EP300: variants seen among roughly 807,000 people sequenced by gnomAD.
EP300 encodes EP300 lysine acetyltransferase.
A neutral mutation model predicts 264.0 loss-of-function variants in EP300; 31 were observed. That is an observed-to-expected ratio of 0.12 (90% CI 0.09 to 0.16). The LOEUF (loss-of-function observed/expected upper bound fraction) is 0.16. Among genes scored for constraint, EP300 ranks in the 10% least tolerant of loss-of-function variants. The pLI is 1.00. For synonymous variants in EP300, 1,340 were observed against 1,045.4 expected (o/e 1.28, Z -5.44); for missense variants, 2,766 against 3,052.9 (o/e 0.91, Z 2.21).
intron 17 of EP300, 131 bp downstream of exon 17, chr22:41,155,244 CT>C (rs2059070455): frequency 7.3e-6 from 6 of 819,700 alleles, no homozygotes; most frequent in Admixed American, 3.9e-5. Context: ...TTTTTTCCCC[CT>C]GAGACAGGGT....
At chr22:41,119,415 A>G (rs2058840143) in intron 2 of EP300, among the ~76,000 whole-genome samples, 1 of 152,026 alleles carries the variant, frequency 6.6e-6, no homozygotes, top group Non-Finnish European at 1.5e-5. Context: ...TACCTCTTCT[A>G]GGATCTAGGA....
rs191203569 is a variant in EP300 at position 41,127,221 on chromosome 22, G to A, written c.907-266G>A. On this transcript the variant is annotated intron_variant, in intron 3 of 30. Transcript: ENST00000263253. ...ACACCCTCTCACCCTTCCCTCTCCC[G>A]CTGGAGTTTACCATGTCCTTCTCTC... Among the ~76,000 whole-genome samples the A allele has an allele frequency of 2.6e-3, 395 of 151,876 alleles. 1 individual carries two copies. The highest frequency in any genetic ancestry group is 9.2e-3 in the African/African-American group (382 of 41,424).
chr22:41,098,106 G>A (rs1338860923), intron 1 of EP300, among the ~76,000 whole-genome samples: 2 of 151,882 alleles, frequency 1.3e-5, no homozygotes, highest in African/African-American at 2.4e-5. Flanking sequence ...CCATTAACTC[G>A]TCATTTAGCA....
chr22:41,176,434 T>A lies in EP300; in HGVS notation c.4967T>A (p.Val1656Glu), dbSNP rs1379274191. Residue 1656 changes from valine (V) to glutamate (E), a missense_variant, in exon 30 of 31, where the codon GTG becomes GAG. Coordinates refer to ENST00000263253, the MANE Select transcript of EP300 (RefSeq NM_001429.4). ...RAQWSTMCMLVELHTQSQDRF... is the reference protein window; with the variant it reads ...RAQWSTMCMLEELHTQSQDRF... ...CAGTGGTCCACCATGTGCATGCTGG[T>A]GGAGCTGCACACGCAGAGCCAGGAC... 1 of 1,614,230 alleles carries A rather than the reference T, an allele frequency of 6.2e-7. No homozygotes were observed. The highest frequency in any genetic ancestry group is 8.5e-7 in the Non-Finnish European group (1 of 1,180,040).
intron 27 of EP300, 27 bp from the exon 28 acceptor site, chr22:41,172,472 C>G (rs1325650318): frequency 6.4e-7 from 1 of 1,573,710 alleles, no homozygotes; most frequent in Non-Finnish European, 8.7e-7. Context: ...CATAGAAATT[C>G]CTATATGTAC....
chr22:41,144,776 T>C (rs1374359942), intron 10 of EP300, among the ~76,000 whole-genome samples: 1 of 152,188 alleles, frequency 6.6e-6, no homozygotes, highest in African/African-American at 2.4e-5. Context: ...ATCTGCATCA[T>C]ATGGGGCAAA....
intron 1 of EP300, among the ~76,000 whole-genome samples, chr22:41,107,083 T>C (rs1483332452): frequency 6.6e-6 from 1 of 151,954 alleles, no homozygotes; most frequent in Non-Finnish European, 1.5e-5. Flanking sequence ...ATTTTTGTAT[T>C]TTTAGTAGCG....
chr22:41,111,373 A>C (rs1469133186), intron 1 of EP300, among the ~76,000 whole-genome samples: 5 of 152,234 alleles, frequency 3.3e-5, no homozygotes, highest in Admixed American at 3.3e-4. Context: ...TCATCTTGCT[A>C]ACCTCTCACA....
intron 20 of EP300, 72 bp from the exon 21 acceptor site, chr22:41,162,651 C>G (rs900288940): frequency 6.4e-6 from 8 of 1,241,964 alleles, no homozygotes; most frequent in Non-Finnish European, 9.5e-6. Context: ...AAGTTTGTTC[C>G]TTTGGTTAGA....
At chr22:41,130,521 C>T (rs191544967) in intron 5 of EP300, among the ~76,000 whole-genome samples, 90 of 151,554 alleles carry the variant, frequency 5.9e-4, no homozygotes, top group Non-Finnish European at 9.7e-4. Context: ...ACAAGGATAC[C>T]CTGTCTTTAA....
chr22:41,169,067 T>A, intron 25 of EP300, 200 bp downstream of exon 25: 1 of 706,046 alleles, frequency 1.4e-6, no homozygotes, highest in Admixed American at 2.3e-5. Flanking sequence ...TGCTCTTCTG[T>A]GGTCATAGTA....
chr22:41,106,312 C>T (rs1398897811), intron 1 of EP300, among the ~76,000 whole-genome samples: 2 of 152,118 alleles, frequency 1.3e-5, no homozygotes, highest in African/African-American at 2.4e-5. Flanking sequence ...TTAGCCAAAC[C>T]ATTATCAGAA....
In EP300 at chr22:41,111,433, C is replaced by G. The variant is rs189858823; in HGVS notation, c.95-5754C>G. Among the ~76,000 whole-genome samples, 7 of 152,322 alleles carry G rather than the reference C, an allele frequency of 4.6e-5. 1 individual carries two copies. Among genetic ancestry groups the G allele is most frequent in the Admixed American group, 4.6e-4 (7 of 15,300 alleles). Reference sequence around the variant, plus strand: ...AAAATTGACAACAGTTGTGTATATTCATGGGTTATAGTGTGATGATATATG... The same window carrying G: ...AAAATTGACAACAGTTGTGTATATTGATGGGTTATAGTGTGATGATATATG... On this transcript the variant is annotated intron_variant, in intron 1 of 30. Coordinates refer to ENST00000263253, the MANE Select transcript of EP300 (RefSeq NM_001429.4).
In EP300 at chr22:41,093,097, A is replaced by G. The variant is rs2145665847; in HGVS notation, c.93A>G (p.Thr31=). 1.2e-6 allele frequency: 2 copies of G among 1,614,026 alleles called. No homozygotes were observed. The highest frequency in any genetic ancestry group is 1.7e-4 in the Middle Eastern group (1 of 6,026). Residue 31 remains threonine, a splice_region_variant and synonymous_variant, in exon 1 of 31, where the codon ACA becomes ACG. Coordinates refer to ENST00000263253, the MANE Select transcript of EP300 (RefSeq NM_001429.4). ...TCTCGGCGTCCGCCAGCGATGGCAC[A>G]GGTTAGTTTCGGCAGCCCCGGCCTT... ...PALSASASDG[T]DFGSLFDLEH...
At position 41,162,738 on chromosome 22, in the gene EP300, A is replaced by C. The variant is rs138247696; in HGVS notation, c.3687A>C (p.Glu1229Asp). ...CTCTCCTTAGTACAATAAATAAAGAACAATTTTCCAAGAGAAAAAATGACA... is the reference window on the plus strand; with the variant it reads ...CTCTCCTTAGTACAATAAATAAAGACCAATTTTCCAAGAGAAAAAATGACA... ...PSQPQTTINK[E>D]QFSKRKNDTL... The change falls in exon 21 of 31, where the codon GAA (glutamate) becomes GAC (aspartate). Residue 1229 changes from glutamate to aspartate, a missense_variant. Transcript: ENST00000263253. 1 of 1,612,570 alleles carries C rather than the reference A, an allele frequency of 6.2e-7. No homozygotes were observed. Among genetic ancestry groups the C allele is most frequent in the Non-Finnish European group, 8.5e-7 (1 of 1,178,616 alleles).
intron 14 of EP300, 69 bp downstream of exon 14, chr22:41,150,267 A>G (rs2059036567): frequency 1.3e-6 from 2 of 1,482,614 alleles, no homozygotes; most frequent in Non-Finnish European, 9.1e-7. Flanking sequence ...CTTCTGGGCC[A>G]TTTCCATTCT....
intron 22 of EP300, among the ~76,000 whole-genome samples, chr22:41,165,060 T>A (rs543636931): frequency 6.6e-6 from 1 of 152,212 alleles, no homozygotes; most frequent in South Asian, 2.1e-4. Context: ...ACTTTTCTTT[T>A]TTTCACCGTT....
intron 18 of EP300, among the ~76,000 whole-genome samples, 164 bp from the exon 19 acceptor site, chr22:41,158,248 G>C (rs928572186): frequency 6.6e-6 from 1 of 152,202 alleles, no homozygotes; most frequent in African/African-American, 2.4e-5. Context: ...TTGAAATAAT[G>C]TGGTAGTAAA....
intron 27 of EP300, among the ~76,000 whole-genome samples, chr22:41,171,657 T>A (rs2059171468): frequency 6.6e-6 from 1 of 151,954 alleles, no homozygotes; most frequent in East Asian, 1.9e-4. Context: ...TCTCCCTTTT[T>A]TTTTTTTGGA....
Sources: allele counts gnomAD v4.1 joint callset (sites outside exome capture counted in the v4.1 genomes callset), GRCh38; gene constraint gnomAD v4.1.1; transcripts MANE v1.5; gene names NCBI Gene and HGNC (gene_info 2026-07-23, HGNC 2026-07-21).